Variants in C10orf88 observed in about 807,000 individuals in gnomAD.
C10orf88 encodes chromosome 10 open reading frame 88.
A neutral mutation model predicts 34.2 loss-of-function variants in C10orf88; 29 were observed. The ratio of observed to expected loss-of-function variants is 0.85; its 90% CI spans 0.63 to 1.16. The LOEUF (loss-of-function observed/expected upper bound fraction) is 1.16, where lower values mean the gene tolerates loss of function less well. C10orf88 is among the 50% of genes most tolerant of loss of function. The pLI, the probability that C10orf88 is intolerant of heterozygous loss-of-function variation, is 0.00. For missense variants in C10orf88, 507 were observed against 533.2 expected (o/e 0.95, Z 0.48); for synonymous variants, 194 against 197.4 (o/e 0.98, Z 0.15).
chr10:122,938,503 A>G (rs1290232591), intron 4 of C10orf88, among the ~76,000 whole-genome samples: 1 of 152,052 alleles, frequency 6.6e-6, no homozygotes, highest in Non-Finnish European at 1.5e-5. Flanking sequence ...TCCACTACAA[A>G]TGTCTCTTTA....
chr10:122,953,774 G>A (rs1208403074), intron 1 of C10orf88, among the ~76,000 whole-genome samples: 1 of 151,484 alleles, frequency 6.6e-6, no homozygotes, highest in East Asian at 2.0e-4. Context: ...GACGTTATAT[G>A]AAATTCCGAG....
At chr10:122,940,772 A>C (rs1473524240) in intron 4 of C10orf88, among the ~76,000 whole-genome samples, 1 of 152,056 alleles carries the variant, frequency 6.6e-6, no homozygotes, top group East Asian at 1.9e-4. Context: ...AAGAAACTTA[A>C]ATATCCATGA....
Position 122,948,644 on chromosome 10 carries a change from C to G in C10orf88, c.648+5G>C. 1.2e-6 allele frequency: 2 copies of G among 1,612,052 alleles called. No homozygotes were observed. Among genetic ancestry groups the G allele is most frequent in the Non-Finnish European group, 1.7e-6 (2 of 1,178,810 alleles). ...TTATCTGGAAAGAAATCCATTTCTACTTACCCGCTGCTGACACCTAACCAT... is the reference window on the plus strand; with the variant it reads ...TTATCTGGAAAGAAATCCATTTCTAGTTACCCGCTGCTGACACCTAACCAT... On this transcript the variant is annotated splice_donor_5th_base_variant and intron_variant, in intron 4 of 5. Transcript: ENST00000481909.
intron 4 of C10orf88, among the ~76,000 whole-genome samples, chr10:122,939,433 G>C (rs1349443953): frequency 6.6e-6 from 1 of 151,872 alleles, no homozygotes; most frequent in African/African-American, 2.4e-5. Flanking sequence ...GAAAAATAAA[G>C]TGAGAAAGGA....
chr10:122,937,750 C>A lies in C10orf88; in HGVS notation c.1058G>T (p.Cys353Phe). The change falls in exon 5 of 6, where the codon TGT (cysteine) becomes TTT (phenylalanine). Residue 353 changes from cysteine to phenylalanine, a missense_variant. Physicochemically the swap from Cys to Phe is radical, Grantham distance 205. Coordinates refer to ENST00000481909, the MANE Select transcript of C10orf88 (RefSeq NM_024942.4). ...NHLHVGNKTE[C>F]QENITKHGER... The stretch of plus-strand genomic sequence containing the variant: ...ACCATGCTTGGTGATGTTTTCCTGA[C>A]ACTCGGTCTTATTTCCCACATGGAG... 6.2e-7 allele frequency: 1 copy of A among 1,612,446 alleles called. No homozygotes were observed. The highest frequency in any genetic ancestry group is 8.5e-7 in the Non-Finnish European group (1 of 1,179,046).
rs140003358 is a variant in C10orf88, at chr10:122,940,750, T to C, written c.649-2591A>G. Among the ~76,000 whole-genome samples, 663 of 152,138 alleles carry C rather than the reference T, an allele frequency of 4.4e-3. 6 individuals carry two copies. Among genetic ancestry groups the C allele is most frequent in the Admixed American group, 8.9e-3 (136 of 15,258 alleles). ...GTGAGCCTCCACTGTTAACATGCTA[T>C]TAAAAATTTTGAAGAAACTTAAATA... On this transcript the variant is annotated intron_variant, in intron 4 of 5. Coordinates refer to ENST00000481909, the MANE Select transcript of C10orf88 (RefSeq NM_024942.4).
At chr10:122,937,147 T>G (rs527369703) in intron 5 of C10orf88, among the ~76,000 whole-genome samples, 1 of 152,030 alleles carries the variant, frequency 6.6e-6, no homozygotes, top group Non-Finnish European at 1.5e-5. Flanking sequence ...TTTGACATAC[T>G]ATATCTACTT....
At chr10:122,944,032 C>T (rs1393257347) in intron 4 of C10orf88, among the ~76,000 whole-genome samples, 1 of 151,788 alleles carries the variant, frequency 6.6e-6, no homozygotes, top group Non-Finnish European at 1.5e-5. Flanking sequence ...TGGGTATATA[C>T]CCAAAGGATT....
At chr10:122,945,820 T>C (rs1848634250) in intron 4 of C10orf88, among the ~76,000 whole-genome samples, 1 of 152,264 alleles carries the variant, frequency 6.6e-6, no homozygotes, top group African/African-American at 2.4e-5. Flanking sequence ...AGGCTGGGCA[T>C]GGTGGTTCAC....
intron 5 of C10orf88, 88 bp downstream of exon 5, chr10:122,937,617 G>A: frequency 1.2e-5 from 14 of 1,174,152 alleles, no homozygotes; most frequent in Non-Finnish European, 1.6e-5. Context: ...CAAATTTTAG[G>A]CAGTACTCAT....
In C10orf88 at chr10:122,931,550, C is replaced by G. The variant is rs1848484820; in HGVS notation, c.*877G>C. On this transcript the variant is annotated 3_prime_UTR_variant, in exon 6 of 6. Coordinates refer to ENST00000481909, the MANE Select transcript of C10orf88 (RefSeq NM_024942.4). ...TTTATTTTTATATGCAAATATATCA[C>G]CCTTCAATGCATATACAATAGTTAT... 6.6e-6 allele frequency: 1 copy of G among 152,096 alleles called. No homozygotes were observed. Among genetic ancestry groups the G allele is most frequent in the Non-Finnish European group, 1.5e-5 (1 of 68,018 alleles). The allele number at this position is 152,096 out of a possible 1,614,324, so 9.4% of individuals were successfully genotyped here.
rs148234185 is a variant in C10orf88, at chr10:122,939,084, T to C, written c.649-925A>G. Among the ~76,000 whole-genome samples the C allele has an allele frequency of 3.3e-5, 5 of 152,122 alleles. No homozygotes were observed. In the South Asian group the frequency reaches 6.2e-4, roughly 19 times the overall value. On this transcript the variant is annotated intron_variant, in intron 4 of 5. Transcript: ENST00000481909. ...TGAAGAAACTCAGTTCATATACTTATAGATATTCTAAAAAGTTATTACTAG... is the reference window on the plus strand; with the variant it reads ...TGAAGAAACTCAGTTCATATACTTACAGATATTCTAAAAAGTTATTACTAG...
At chr10:122,944,710 A>G (rs1256753755) in intron 4 of C10orf88, among the ~76,000 whole-genome samples, 1 of 152,090 alleles carries the variant, frequency 6.6e-6, no homozygotes, top group Non-Finnish European at 1.5e-5. Context: ...AGTGTACTTG[A>G]AAAAATACAC....
chr10:122,937,215 A>G (rs1220156994), intron 5 of C10orf88, among the ~76,000 whole-genome samples: 2 of 151,996 alleles, frequency 1.3e-5, no homozygotes, highest in Non-Finnish European at 2.9e-5. Flanking sequence ...CTGCCAAAAT[A>G]AGGGATTAAG....
intron 4 of C10orf88, among the ~76,000 whole-genome samples, chr10:122,948,143 T>A (rs528908510): frequency 2.0e-5 from 3 of 152,334 alleles, no homozygotes; most frequent in East Asian, 1.9e-4. Context: ...AGAAATGAAC[T>A]ACCATTCATT....
chr10:122,931,386 T>C lies in C10orf88; in HGVS notation c.*1041A>G, dbSNP rs2133325551. The C allele has an allele frequency of 6.6e-6, 1 of 152,282 alleles. No individual in the cohort carries two copies. Among genetic ancestry groups the C allele is most frequent in the South Asian group, 2.1e-4 (1 of 4,830 alleles). 9.4% of individuals were successfully genotyped at this position (152,282 alleles called of 1,614,324 possible). A position where few individuals can be genotyped will look rare whatever the true frequency, so the allele number is the denominator to read the frequency against. On this transcript the variant is annotated 3_prime_UTR_variant, in exon 6 of 6. Transcript: ENST00000481909. ...CACGCAGGAATTACATCAGGTAACATTTTTAAAGAAGAAATTTGCCAAAAT... is the reference window on the plus strand; with the variant it reads ...CACGCAGGAATTACATCAGGTAACACTTTTAAAGAAGAAATTTGCCAAAAT...
intron 2 of C10orf88, 31 bp from the exon 3 acceptor site, chr10:122,952,057 C>T (rs1282433209): frequency 4.6e-6 from 5 of 1,087,822 alleles, no homozygotes; most frequent in East Asian, 5.3e-5. Flanking sequence ...ATTTTTTTTA[C>T]TTACATATAT....
intron 4 of C10orf88, among the ~76,000 whole-genome samples, chr10:122,947,942 G>A (rs888559284): frequency 8.5e-5 from 13 of 152,102 alleles, no homozygotes; most frequent in African/African-American, 2.7e-4. Flanking sequence ...TCATCTGGAC[G>A]AGGGGAATGA....
chr10:122,932,233 G>T lies in C10orf88; in HGVS notation c.*194C>A. The T allele has an allele frequency of 2.2e-6, 1 of 447,494 alleles. No individual in the cohort carries two copies. Among genetic ancestry groups the T allele is most frequent in the South Asian group, 5.9e-5 (1 of 17,090 alleles). 27.7% of individuals were successfully genotyped at this position (447,494 alleles called of 1,614,324 possible). On this transcript the variant is annotated 3_prime_UTR_variant, in exon 6 of 6. Transcript: ENST00000481909. ...TATCGTGAGCAAAAATAATTTGACT[G>T]TATCATATTAACTCAGTGTACAGTA... is the stretch of plus-strand genomic sequence containing the variant.
Sources: gnomAD v4.1 joint callset for allele counts (sites outside exome capture counted in the v4.1 genomes callset) on GRCh38, gnomAD v4.1.1 for gene constraint, MANE v1.5 for transcripts, NCBI Gene and HGNC (gene_info 2026-07-23, HGNC 2026-07-21) for gene names.